TIMM17A: variants seen among roughly 807,000 people sequenced by gnomAD.
The protein encoded by TIMM17A is mitochondrial import inner membrane translocase subunit Tim17-A.
A neutral mutation model predicts 26.5 loss-of-function variants in TIMM17A; 15 were observed. The observed-to-expected ratio is 0.57, with a 90% CI of 0.38 to 0.87. TIMM17A has a LOEUF of 0.87. TIMM17A is among the 40% of genes least tolerant of loss of function. TIMM17A has a pLI of 0.00. For missense variants in TIMM17A, 201 were observed against 210.0 expected (o/e 0.96, Z 0.27); for synonymous variants, 80 against 70.8 (o/e 1.13, Z -0.66).
intron 3 of TIMM17A, among the ~76,000 whole-genome samples, chr1:201,958,367 G>C (rs1302864402): frequency 6.6e-6 from 1 of 152,230 alleles, no homozygotes; most frequent in East Asian, 1.9e-4. Context: ...GCTGGGAAAA[G>C]GGAGGTGACA....
intron 5 of TIMM17A, among the ~76,000 whole-genome samples, chr1:201,968,092 G>A (rs1682667876): frequency 6.6e-6 from 1 of 152,120 alleles, no homozygotes; most frequent in African/African-American, 2.4e-5. Flanking sequence ...CGCCTCCGGG[G>A]TGCAAGCGAT....
intron 1 of TIMM17A, 125 bp downstream of exon 1, chr1:201,955,677 C>A: frequency 7.6e-7 from 1 of 1,315,400 alleles, no homozygotes; most frequent in Non-Finnish European, 1.1e-6. Context: ...GGCCTGGTAA[C>A]TGGGCAATGC....
intron 5 of TIMM17A, among the ~76,000 whole-genome samples, chr1:201,967,007 GTGTGTGTGTATA>G (rs1682644567): frequency 7.2e-6 from 1 of 138,078 alleles, no homozygotes; most frequent in Admixed American, 7.5e-5. Context: ...GTGTGTGTGT[GTGTGTGTGTATA>G]TATATATAGT....
chr1:201,958,951 T>C (rs1261522783), intron 3 of TIMM17A, among the ~76,000 whole-genome samples: 1 of 152,222 alleles, frequency 6.6e-6, no homozygotes, highest in Non-Finnish European at 1.5e-5. Flanking sequence ...GTAAGAATTA[T>C]CTACCCTGGA....
At chr1:201,969,366 A>T in intron 5 of TIMM17A, 103 bp from the exon 6 acceptor site, 2 of 902,792 alleles carry the variant, frequency 2.2e-6, no homozygotes, top group Non-Finnish European at 3.4e-6. Context: ...TTAATTTAGC[A>T]CATTTTTTTG....
chr1:201,960,541 T>C (rs1032331674), intron 3 of TIMM17A, among the ~76,000 whole-genome samples: 2 of 151,988 alleles, frequency 1.3e-5, no homozygotes, highest in African/African-American at 4.8e-5. Flanking sequence ...GAAGAGTGAG[T>C]GGTGATATGA....
At chr1:201,967,283 C>T (rs1235104185) in intron 5 of TIMM17A, among the ~76,000 whole-genome samples, 1 of 151,900 alleles carries the variant, frequency 6.6e-6, no homozygotes, top group East Asian at 1.9e-4. Flanking sequence ...CAGACCCTCT[C>T]ACCTTCTGTT....
At chr1:201,963,055 CCTGA>C (rs1163509536) in intron 3 of TIMM17A, 4 of 152,518 alleles carry the variant, frequency 2.6e-5, no homozygotes, top group Non-Finnish European at 5.9e-5. Flanking sequence ...ACATATGCAG[CCTGA>C]CTGTTTTAGG....
At chr1:201,968,542 C>T (rs1458653237) in intron 5 of TIMM17A, among the ~76,000 whole-genome samples, 2 of 151,788 alleles carry the variant, frequency 1.3e-5, no homozygotes, top group African/African-American at 2.4e-5. Context: ...CAGACACCCT[C>T]CACCATGCCC....
chr1:201,968,119 C>T (rs1253830715), intron 5 of TIMM17A, among the ~76,000 whole-genome samples: 1 of 152,108 alleles, frequency 6.6e-6, no homozygotes, highest in Non-Finnish European at 1.5e-5. Flanking sequence ...GTCTCAGCCT[C>T]CTGAGTAGCT....
At chr1:201,958,519 A>G (rs1380440526) in intron 3 of TIMM17A, among the ~76,000 whole-genome samples, 1 of 152,218 alleles carries the variant, frequency 6.6e-6, no homozygotes, top group Non-Finnish European at 1.5e-5. Flanking sequence ...CCTGGGCAGC[A>G]TGGCTGCCCA....
intron 4 of TIMM17A, 53 bp downstream of exon 4, chr1:201,963,797 C>T (rs1682576208): frequency 6.5e-7 from 1 of 1,538,380 alleles, no homozygotes; most frequent in African/African-American, 1.4e-5. Context: ...AGGAAAACCT[C>T]ATCTGCCTCA....
chr1:201,957,476 A>T, intron 2 of TIMM17A, 35 bp from the exon 3 acceptor site: 1 of 1,606,364 alleles, frequency 6.2e-7, no homozygotes. Flanking sequence ...TGTACTTCTA[A>T]TATATTTTTT....
In TIMM17A at chr1:201,967,534, A is replaced by ATTTATTTATTTATTTAT. The variant is rs1445167512; in HGVS notation, c.431-1930_431-1914dup. The stretch of plus-strand genomic sequence containing the variant: ...AATCTCCTTTTTATTTATTTATTTT[A>ATTTATTTATTTATTTAT]TTTATTTATTTATTTATTTTAATTT... On this transcript the variant is annotated intron_variant, in intron 5 of 5. Coordinates refer to ENST00000367287, the MANE Select transcript of TIMM17A (RefSeq NM_006335.3). Among the ~76,000 whole-genome samples the ATTTATTTATTTATTTAT allele has an allele frequency of 9.8e-3, 1,463 of 150,048 alleles. 2 individuals carry two copies. Among genetic ancestry groups the ATTTATTTATTTATTTAT allele is most frequent in the Middle Eastern group, 0.028 (8 of 290 alleles).
intron 5 of TIMM17A, 105 bp downstream of exon 5, chr1:201,965,648 T>C: frequency 1.3e-6 from 1 of 796,226 alleles, no homozygotes; most frequent in South Asian, 1.5e-5. Context: ...TGTATTAATA[T>C]GCTGTGGTTC....
intron 3 of TIMM17A, among the ~76,000 whole-genome samples, chr1:201,959,000 G>A (rs923344144): frequency 1.2e-4 from 18 of 152,098 alleles, no homozygotes; most frequent in African/African-American, 4.1e-4. Flanking sequence ...TTTTGTGTTG[G>A]TGGTTATTGT....
rs1260425814 is a variant in TIMM17A, at chr1:201,969,521, C to T, written c.483C>T (p.Ser161=). 6.8e-6 allele frequency: 11 copies of T among 1,613,854 alleles called. No homozygotes were observed. Among genetic ancestry groups the T allele is most frequent in the African/African-American group, 2.7e-5 (2 of 74,902 alleles). The change falls in exon 6 of 6, where the codon TCC becomes TCT. Residue 161 remains serine (S), a synonymous_variant. Transcript: ENST00000367287. ...PSQLPSTQLP[S]SPFGDYRQYQ ...AGTTGCCTTCAACTCAGTTACCTTC[C>T]TCACCTTTTGGAGACTATCGACAAT... is the stretch of plus-strand genomic sequence containing the variant.
intron 5 of TIMM17A, among the ~76,000 whole-genome samples, chr1:201,967,550 A>T (rs200283532): frequency 1.2e-4 from 2 of 16,794 alleles, no homozygotes; most frequent in African/African-American, 3.3e-4. Flanking sequence ...TTATTTATTT[A>T]TTTTAATTTT....
At chr1:201,964,454 G>C (rs1473256236) in intron 4 of TIMM17A, among the ~76,000 whole-genome samples, 1 of 152,026 alleles carries the variant, frequency 6.6e-6, no homozygotes, top group Non-Finnish European at 1.5e-5. Context: ...CAAGGGATTT[G>C]CAAACTATTT....
Sources: gnomAD v4.1 joint callset for allele counts (sites outside exome capture counted in the v4.1 genomes callset) on GRCh38, gnomAD v4.1.1 for gene constraint, MANE v1.5 for transcripts, NCBI Gene and HGNC (gene_info 2026-07-23, HGNC 2026-07-21) for gene names.